Variants in STXBP5L observed in about 807,000 individuals in gnomAD.
The protein encoded by STXBP5L is syntaxin binding protein 5L.
STXBP5L carries 65 observed loss-of-function variants against 144.5 expected under a neutral mutation model. That is an observed-to-expected ratio of 0.45 (90% CI 0.37 to 0.55). STXBP5L has a LOEUF of 0.55. STXBP5L is among the 20% of genes least tolerant of loss of function. STXBP5L has a pLI of 0.00. For synonymous variants in STXBP5L, 505 were observed against 469.6 expected (o/e 1.08, Z -0.97); for missense variants, 1,298 against 1,405.5 (o/e 0.92, Z 1.22).
Position 120,909,590 on chromosome 3 carries a change from T to G in STXBP5L, c.12T>G (p.Phe4Leu). The change falls in exon 2 of 27, where the codon TTT becomes TTG. Residue 4 changes from phenylalanine to leucine, a missense_variant. Physicochemically the swap from Phe to Leu is conservative, Grantham distance 22. Transcript: ENST00000471454. ...CAACAGTGTTTAAAATGAAGAAGTT[T>G]AATTTCCGAAAAGTTTTGGATGGCT... MKK[F>L]NFRKVLDGLT... 6.2e-7 allele frequency: 1 copy of G among 1,613,082 alleles called. No individual in the cohort carries two copies. The highest frequency in any genetic ancestry group is 8.5e-7 in the Non-Finnish European group (1 of 1,179,788).
intron 20 of STXBP5L, among the ~76,000 whole-genome samples, chr3:121,369,546 G>A (rs2045966609): frequency 6.6e-6 from 1 of 151,776 alleles, no homozygotes; most frequent in Non-Finnish European, 1.5e-5. Context: ...TTTTGTTCCT[G>A]TGGTGGTGTC....
chr3:121,422,520 A>G lies in STXBP5L; in HGVS notation c.*3423A>G, dbSNP rs1191886965. The G allele has an allele frequency of 6.6e-6, 1 of 152,156 alleles. No individual in the cohort carries two copies. The highest frequency in any genetic ancestry group is 1.5e-5 in the Non-Finnish European group (1 of 68,020). The allele number at this position is 152,156 out of a possible 1,614,324, so 9.4% of individuals were successfully genotyped here. ...AGTCCCTACCTTGAAATCATCCATT[A>G]GTCTTGGAGTTTGGAGGGAGGAATG... On this transcript the variant is annotated 3_prime_UTR_variant, in exon 27 of 27. Transcript: ENST00000471454.
chr3:121,131,669 G>A (rs920111593), intron 7 of STXBP5L, among the ~76,000 whole-genome samples: 1 of 152,094 alleles, frequency 6.6e-6, no homozygotes, highest in Non-Finnish European at 1.5e-5. Context: ...TTTTTATGAA[G>A]CAATTATAAG....
At chr3:121,332,778 G>C (rs1315493348) in intron 20 of STXBP5L, among the ~76,000 whole-genome samples, 3 of 151,840 alleles carry the variant, frequency 2.0e-5, no homozygotes, top group Admixed American at 1.3e-4. Context: ...GAACTCCTGG[G>C]AGATCCATTG....
intron 12 of STXBP5L, among the ~76,000 whole-genome samples, chr3:121,237,382 C>T (rs2049515984): frequency 6.6e-6 from 1 of 152,132 alleles, no homozygotes; most frequent in African/African-American, 2.4e-5. Flanking sequence ...GGAACAGTGA[C>T]CCAAAGGGGC....
intron 3 of STXBP5L, among the ~76,000 whole-genome samples, chr3:121,030,388 A>G (rs1195158224): frequency 6.6e-6 from 1 of 152,182 alleles, no homozygotes; most frequent in Non-Finnish European, 1.5e-5. Flanking sequence ...AGGGACATGG[A>G]TGAAGCTGGA....
At chr3:121,253,611 G>GTA (rs1559908036) in intron 15 of STXBP5L, among the ~76,000 whole-genome samples, 1 of 147,162 alleles carries the variant, frequency 6.8e-6, no homozygotes, top group Admixed American at 6.8e-5. Context: ...GTATATATAT[G>GTA]TATATATACA....
At chr3:121,061,805 G>C (rs1469755055) in intron 5 of STXBP5L, among the ~76,000 whole-genome samples, 1 of 152,010 alleles carries the variant, frequency 6.6e-6, no homozygotes, top group East Asian at 1.9e-4. Flanking sequence ...GCTTTATTTT[G>C]CTTTCCATTT....
chr3:121,017,787 TG>T (rs139321003), intron 3 of STXBP5L, among the ~76,000 whole-genome samples: 3 of 151,592 alleles, frequency 2.0e-5, no homozygotes, highest in Non-Finnish European at 4.4e-5. Context: ...TCTAAATAAA[TG>T]GGGGGGTGGT....
chr3:121,358,172 G>A (rs2045589680), intron 20 of STXBP5L, among the ~76,000 whole-genome samples: 1 of 152,062 alleles, frequency 6.6e-6, no homozygotes, highest in Non-Finnish European at 1.5e-5. Flanking sequence ...ATTGACTGTA[G>A]TCACCCTATT....
intron 3 of STXBP5L, among the ~76,000 whole-genome samples, chr3:120,984,265 T>G (rs918672460): frequency 1.3e-5 from 2 of 152,170 alleles, no homozygotes; most frequent in African/African-American, 4.8e-5. Context: ...TAAAATGACT[T>G]TTTCTTTTAC....
In STXBP5L at chr3:121,344,784, A is replaced by C. The variant is rs1025067866; in HGVS notation, c.2176+26244A>C. Reference sequence around the variant, plus strand: ...AAGGAAGAGGAATTATACTAATTTCACCTTTCATAAAGGGAAATCAATTGA... The same window carrying C: ...AAGGAAGAGGAATTATACTAATTTCCCCTTTCATAAAGGGAAATCAATTGA... On this transcript the variant is annotated intron_variant, in intron 20 of 26. Transcript: ENST00000471454. 3.3e-5 allele frequency among the ~76,000 whole-genome samples: 5 copies of C among 151,956 alleles called. No individual in the cohort carries two copies. In the South Asian group the frequency reaches 1.0e-3, roughly 31 times the overall value.
chr3:121,116,973 A>G (rs1248362670), intron 6 of STXBP5L, among the ~76,000 whole-genome samples: 1 of 151,936 alleles, frequency 6.6e-6, no homozygotes, highest in African/African-American at 2.4e-5. Flanking sequence ...AGTAATTGAG[A>G]AGAATTTGTT....
chr3:121,346,400 C>A (rs57212948), intron 20 of STXBP5L, among the ~76,000 whole-genome samples: 3,208 of 152,006 alleles, frequency 0.021, 117 homozygotes, highest in African/African-American at 0.074. Flanking sequence ...TGAATAGTGC[C>A]GCAATAAACA....
chr3:121,026,984 A>T (rs1449311868), intron 3 of STXBP5L, among the ~76,000 whole-genome samples: 2 of 151,912 alleles, frequency 1.3e-5, no homozygotes, highest in Non-Finnish European at 2.9e-5. Flanking sequence ...ACATCTGTTG[A>T]TTCTCAGTTG....
intron 5 of STXBP5L, among the ~76,000 whole-genome samples, chr3:121,057,834 A>G (rs937215556): frequency 6.6e-6 from 1 of 152,070 alleles, no homozygotes; most frequent in East Asian, 1.9e-4. Context: ...TTCTTTTTAT[A>G]TCTCTTTTTT....
In STXBP5L at chr3:121,254,982, T is replaced by G; in HGVS notation, c.1529T>G (p.Val510Gly). The part of the protein sequence containing the change: ...VGEGKQTCEI[V>G]EEDPFAIQMI... Reference sequence around the variant, plus strand: ...GAAGGAAAACAAACATGTGAAATTGTAGAGGAAGACCCATTTGCCATTCAG... The same window carrying G: ...GAAGGAAAACAAACATGTGAAATTGGAGAGGAAGACCCATTTGCCATTCAG... The change falls in exon 16 of 27, where the codon GTA (valine) becomes GGA (glycine). Residue 510 changes from valine to glycine, a missense_variant. By Grantham distance (109) the Val-to-Gly change is moderately radical. Coordinates refer to ENST00000471454, the MANE Select transcript of STXBP5L (RefSeq NM_001308330.2). 1 of 1,613,582 alleles carries G rather than the reference T, an allele frequency of 6.2e-7. No individual in the cohort carries two copies. The highest frequency in any genetic ancestry group is 8.5e-7 in the Non-Finnish European group (1 of 1,179,704).
intron 5 of STXBP5L, among the ~76,000 whole-genome samples, chr3:121,052,259 C>A (rs1165428430): frequency 1.3e-5 from 2 of 150,530 alleles, no homozygotes; most frequent in Admixed American, 6.6e-5. Flanking sequence ...GGCATCCAGG[C>A]TTTGATACCA....
chr3:121,409,696 A>G (rs996306865), intron 23 of STXBP5L, among the ~76,000 whole-genome samples: 3 of 151,984 alleles, frequency 2.0e-5, no homozygotes, highest in Non-Finnish European at 4.4e-5. Context: ...TTAAATGTCA[A>G]TGCCCATAAA....
Sources: gnomAD v4.1 joint callset for allele counts (sites outside exome capture counted in the v4.1 genomes callset) on GRCh38, gnomAD v4.1.1 for gene constraint, MANE v1.5 for transcripts, NCBI Gene and HGNC (gene_info 2026-07-23, HGNC 2026-07-21) for gene names.